TTLL13: variants seen among roughly 807,000 people sequenced by gnomAD.
TTLL13 encodes the protein tubulin polyglutamylase TTLL13.
the TTLL13 span, chr15:90,257,028 A>G: frequency 9.3e-7 from 1 of 1,075,802 alleles, no homozygotes; most frequent in Non-Finnish European, 1.3e-6. Context: ...TAACTATTTT[A>G]CATGGTTATT....
chr15:90,256,599 TTC>T, the TTLL13 span, among the ~76,000 whole-genome samples: 4 of 33,402 alleles, frequency 1.2e-4, no homozygotes, highest in African/African-American at 3.7e-4. Flanking sequence ...CTTTCTTTCT[TTC>T]TTTCTTTCCT....
At chr15:90,253,226 T>A in the TTLL13 span, 4 of 1,601,822 alleles carry the variant, frequency 2.5e-6, no homozygotes, top group South Asian at 1.1e-5. Context: ...ATGCTGGCAC[T>A]ACTGATCTCC....
the TTLL13 span, chr15:90,258,840 G>A: frequency 6.2e-7 from 1 of 1,614,182 alleles, no homozygotes; most frequent in Non-Finnish European, 8.5e-7. Flanking sequence ...AACCTCCGGG[G>A]CTGTGACAAA....
the TTLL13 span, chr15:90,257,889 C>A: frequency 2.1e-6 from 2 of 938,450 alleles, no homozygotes; most frequent in Non-Finnish European, 3.2e-6. Flanking sequence ...AGCCCCAAAC[C>A]TCACCCTGAT....
chr15:90,256,599 TTCTTTCTTTCC>T, the TTLL13 span, among the ~76,000 whole-genome samples: 1 of 33,402 alleles, frequency 3.0e-5, no homozygotes, highest in Non-Finnish European at 5.7e-5. Context: ...CTTTCTTTCT[TTCTTTCTTTCC>T]TTCCTTCCTT....
chr15:90,260,347 A>C, the TTLL13 span, among the ~76,000 whole-genome samples: 2 of 151,948 alleles, frequency 1.3e-5, no homozygotes, highest in African/African-American at 2.4e-5. Context: ...AAATACAAAA[A>C]TTAGCCAAGC....
At chr15:90,259,142 T>G in the TTLL13 span, 1 of 1,129,758 alleles carries the variant, frequency 8.9e-7, no homozygotes, top group Admixed American at 3.0e-5. Flanking sequence ...GCAGGAGGAT[T>G]GCTTGAGCCC....
chr15:90,261,699 A>G, the TTLL13 span, among the ~76,000 whole-genome samples: 1 of 152,156 alleles, frequency 6.6e-6, no homozygotes, highest in Non-Finnish European at 1.5e-5. Context: ...AGAACTGCTT[A>G]AACCTGGGAG....
the TTLL13 span, chr15:90,262,439 CT>C: frequency 1.4e-6 from 2 of 1,433,152 alleles, no homozygotes. Flanking sequence ...TTCCTCACCC[CT>C]CTTCTCCCCA....
the TTLL13 span, chr15:90,258,776 T>C: frequency 1.2e-6 from 2 of 1,614,198 alleles, no homozygotes; most frequent in Non-Finnish European, 1.7e-6. Flanking sequence ...CACGGACTCA[T>C]GCCTTGATCA....
At chr15:90,253,272 G>C in the TTLL13 span, 25 of 1,613,738 alleles carry the variant, frequency 1.5e-5, no homozygotes, top group Middle Eastern at 3.3e-4. Flanking sequence ...CCAAATGTGT[G>C]GCCTGAAGGA....
the TTLL13 span, chr15:90,256,119 A>G: frequency 6.2e-7 from 1 of 1,611,840 alleles, no homozygotes; most frequent in Middle Eastern, 1.7e-4. Context: ...AAACCTTTTG[A>G]CCAGGCCCTC....
the TTLL13 span, among the ~76,000 whole-genome samples, chr15:90,255,504 C>T: frequency 6.6e-6 from 1 of 152,170 alleles, no homozygotes; most frequent in African/African-American, 2.4e-5. Flanking sequence ...TGGCTAGTTA[C>T]ATTCCTTCTC....
At chr15:90,264,045 C>A in the TTLL13 span, 2 of 1,534,476 alleles carry the variant, frequency 1.3e-6, no homozygotes, top group Non-Finnish European at 1.7e-6. Flanking sequence ...GTGCCAGAAT[C>A]AGGCTCACTA....
At chr15:90,262,903 C>G in the TTLL13 span, 3 of 1,487,224 alleles carry the variant, frequency 2.0e-6, no homozygotes, top group South Asian at 2.6e-5. Flanking sequence ...CTGTAGCCAT[C>G]CTGGGTGATG....
At chr15:90,256,182 G>A in the TTLL13 span, 2 of 1,614,174 alleles carry the variant, frequency 1.2e-6, no homozygotes, top group South Asian at 1.1e-5. Context: ...CGAAAAGCCC[G>A]CACATATATC....
At chr15:90,252,567 A>AT in the TTLL13 span, among the ~76,000 whole-genome samples, 390 of 152,310 alleles carry the variant, frequency 2.6e-3, 1 homozygote, top group African/African-American at 9.1e-3. Flanking sequence ...AAGAAAAAAA[A>AT]CAATCTCCAG....
chr15:90,258,119 C>T, the TTLL13 span: 1 of 1,614,246 alleles, frequency 6.2e-7, no homozygotes, highest in South Asian at 1.1e-5. Context: ...AGGACATCAT[C>T]ATCAAAACCA....
chr15:90,250,585 GAT>G, the TTLL13 span: 15 of 1,590,658 alleles, frequency 9.4e-6, no homozygotes, highest in African/African-American at 2.0e-4. Context: ...TCTGAGGTCT[GAT>G]ATACACTTCA....
Sources: allele counts gnomAD v4.1 joint callset (sites outside exome capture counted in the v4.1 genomes callset), GRCh38; gene constraint gnomAD v4.1.1; transcripts MANE v1.5; gene names NCBI Gene and HGNC (gene_info 2026-07-23, HGNC 2026-07-21).